KNDC1: variants seen among roughly 807,000 people sequenced by gnomAD.
KNDC1 encodes kinase non-catalytic C-lobe domain-containing protein 1.
KNDC1 carries 106 observed loss-of-function variants against 172.8 expected under a neutral mutation model. The ratio of observed to expected loss-of-function variants is 0.61; its 90% confidence interval spans 0.52 to 0.72. KNDC1 has a LOEUF of 0.72. KNDC1 is among the 30% of genes least tolerant of loss of function. The probability of loss-of-function intolerance (pLI) is 0.00; values close to 1 mark genes in which losing one functional copy is unlikely to be tolerated. For missense variants in KNDC1, 2,325 were observed against 2,394.5 expected (o/e 0.97, Z 0.61); for synonymous variants, 1,083 against 1,062.2 (o/e 1.02, Z -0.38).
rs1445540786 is a variant in KNDC1 at position 133,206,618 on chromosome 10, C to T, written c.3388-67C>T. The T allele has an allele frequency of 2.2e-6, 3 of 1,347,992 alleles. No homozygotes were observed. The African/African-American group carries it at 4.3e-5, about 19-fold the overall frequency. 83.5% of individuals were successfully genotyped at this position (1,347,992 alleles called of 1,614,324 possible). ...CAAGGAGGCCCCAGTGGGGTGGGGC[C>T]TGGCCCTGGATGTGGCTGACGTGTG... On this transcript the variant is annotated intron_variant, in intron 17 of 29. Transcript: ENST00000304613.
Position 133,198,389 on chromosome 10 carries a change from G to T in KNDC1, c.1959G>T (p.Val653=), listed in dbSNP as rs770042942. Residue 653 remains valine (V), a synonymous_variant, in exon 13 of 30, where the codon GTG becomes GTT. Coordinates refer to ENST00000304613, the MANE Select transcript of KNDC1 (RefSeq NM_152643.8). ...DTGLVAVPGP[V]PGQHPCGEEA... The stretch of plus-strand genomic sequence containing the variant: ...GGCTTGTGGCTGTGCCAGGGCCCGT[G>T]CCCGGCCAGCACCCCTGCGGTGAAG... 6.3e-7 allele frequency: 1 copy of T among 1,598,120 alleles called. No homozygotes were observed. Among genetic ancestry groups the T allele is most frequent in the East Asian group, 2.3e-5 (1 of 44,130 alleles).
intron 3 of KNDC1, among the ~76,000 whole-genome samples, chr10:133,177,923 TG>T (rs1564878791): frequency 7.0e-6 from 1 of 142,250 alleles, no homozygotes; most frequent in Non-Finnish European, 1.5e-5. Context: ...TGTGCAAGCA[TG>T]TAGTGTGTTA....
At chr10:133,164,624 G>A (rs1034478028) in intron 1 of KNDC1, among the ~76,000 whole-genome samples, 1 of 152,210 alleles carries the variant, frequency 6.6e-6, no homozygotes, top group African/African-American at 2.4e-5. Flanking sequence ...AGCCCGGCTG[G>A]GCGTATTTTA....
chr10:133,211,542 G>T lies in KNDC1; in HGVS notation c.4029G>T (p.Gly1343=). 1 of 1,613,958 alleles carries T rather than the reference G, an allele frequency of 6.2e-7. No individual in the cohort carries two copies. Among genetic ancestry groups the T allele is most frequent in the Non-Finnish European group, 8.5e-7 (1 of 1,179,886 alleles). ...TCCCTCGGAACAGCGGGCTGCTGGG[G>T]AAGCTAGAGGACTTCATCTCCTCCA... ...VDFPRNSGLL[G]KLEDFISSKI... The change falls in exon 22 of 30, where the codon GGG becomes GGT. Residue 1343 remains glycine (G), a synonymous_variant. Coordinates refer to ENST00000304613, the MANE Select transcript of KNDC1 (RefSeq NM_152643.8).
chr10:133,216,778 C>G (rs1845475385), intron 26 of KNDC1, among the ~76,000 whole-genome samples: 1 of 152,212 alleles, frequency 6.6e-6, no homozygotes, highest in South Asian at 2.1e-4. Flanking sequence ...GTGGAGGCAC[C>G]TAAATGTCCA....
rs990446725 is a variant in KNDC1, at chr10:133,186,435, C to G, written c.1087C>G (p.Leu363Val). ...CTTCCAGGCTCAGCCCAAATGCAGG[C>G]TGTGGCCGGAGCAGGAGCCGGAACA... ...SSFQAQPKCR[L>V]WPEQEPEHQL... The change falls in exon 6 of 30, where the codon CTG becomes GTG. Residue 363 changes from leucine (L) to valine (V), a missense_variant. Physicochemically the swap from Leu to Val is conservative, Grantham distance 32 (BLOSUM62 1). Coordinates refer to ENST00000304613, the MANE Select transcript of KNDC1 (RefSeq NM_152643.8). The G allele has an allele frequency of 1.2e-6, 2 of 1,612,600 alleles. No homozygotes were observed. Among genetic ancestry groups the G allele is most frequent in the African/African-American group, 1.3e-5 (1 of 75,034 alleles).
chr10:133,225,241 A>C lies in KNDC1; in HGVS notation c.*351A>C. On this transcript the variant is annotated 3_prime_UTR_variant, in exon 30 of 30. Transcript: ENST00000304613. ...AGTGGCTCTTACCCAGCTCTCAGTG[A>C]CTCCCCCACAAAACAGCAACAGCCT... 1 of 253,444 alleles carries C rather than the reference A, an allele frequency of 3.9e-6. No homozygotes were observed. The highest frequency in any genetic ancestry group is 7.7e-6 in the Non-Finnish European group (1 of 129,538). 15.7% of individuals were successfully genotyped at this position (253,444 alleles called of 1,614,324 possible). A position where few individuals can be genotyped will look rare whatever the true frequency, so the allele number is the denominator to read the frequency against.
rs1393805261 is a variant in KNDC1, at chr10:133,163,194, A to G, written c.102+2625A>G. ...ATGGATGGGCAATGCTGGCTGCCCC[A>G]TGGGAATTCAGATGAGACGAAGAGG... On this transcript the variant is annotated intron_variant, in intron 1 of 29. Coordinates refer to ENST00000304613, the MANE Select transcript of KNDC1 (RefSeq NM_152643.8). This position sits in a 1 kb window ranked among gnomAD's most constrained non-coding sequence, Gnocchi z 4.4. Among the ~76,000 whole-genome samples, 2 of 152,148 alleles carry G rather than the reference A, an allele frequency of 1.3e-5. No individual in the cohort carries two copies. Among genetic ancestry groups the G allele is most frequent in the Admixed American group, 6.5e-5 (1 of 15,276 alleles).
chr10:133,173,957 C>T (rs559158765), intron 3 of KNDC1: 17 of 152,414 alleles, frequency 1.1e-4, no homozygotes, highest in Admixed American at 4.6e-4. Flanking sequence ...CTCCCCTCTC[C>T]ACCCCGCTGC....
At chr10:133,214,264 C>T (rs72859892) in intron 26 of KNDC1, 142 bp downstream of exon 26, 50,768 of 907,698 alleles carry the variant, frequency 0.056, 1,758 homozygotes, top group Non-Finnish European at 0.062. Context: ...CCACACCCGA[C>T]CCAAGGCTGA....
chr10:133,200,377 C>G lies in KNDC1; in HGVS notation c.2906C>G (p.Thr969Arg). 3 of 1,587,698 alleles carry G rather than the reference C, an allele frequency of 1.9e-6. No homozygotes were observed. Among genetic ancestry groups the G allele is most frequent in the Non-Finnish European group, 2.6e-6 (3 of 1,168,280 alleles). ...CTGACCTGCATTCTCGTCGTCAGCACGGCCGAGGAGGCTGGGTCACAGCTC... is the reference window on the plus strand; with the variant it reads ...CTGACCTGCATTCTCGTCGTCAGCAGGGCCGAGGAGGCTGGGTCACAGCTC... ...VNGQASPSPS[T>R]AEEAGSQLEG... is the part of the protein sequence containing the mutation. The change falls in exon 16 of 30, where the codon ACG becomes AGG. Residue 969 changes from threonine (T) to arginine (R), a missense_variant and splice_region_variant. Transcript: ENST00000304613.
chr10:133,186,109 C>G lies in KNDC1; in HGVS notation c.761C>G (p.Pro254Arg). Residue 254 changes from proline (P) to arginine (R), a missense_variant, in exon 6 of 30, where the codon CCC (proline) becomes CGC (arginine). Transcript: ENST00000304613. ...EGPESETSRG[P>R]RASPTKALLS... ...CCGGAGTCTGAGACGAGCCGGGGCCCCAGAGCCTCCCCAACCAAGGCTCTG... is the reference window on the plus strand; with the variant it reads ...CCGGAGTCTGAGACGAGCCGGGGCCGCAGAGCCTCCCCAACCAAGGCTCTG... The G allele has an allele frequency of 6.3e-7, 1 of 1,597,732 alleles. No homozygotes were observed. The highest frequency in any genetic ancestry group is 1.3e-5 in the African/African-American group (1 of 74,748).
chr10:133,219,979 T>C lies in KNDC1; in HGVS notation c.4885T>C (p.Cys1629Arg), dbSNP rs1208622827. ...GGTCTTCCTGAAGAGCGACAGCCTG[T>C]GTCTGATGGAAGGGCGGCGCTTCCG... ...VEVFLKSDSL[C>R]LMEGRRFRAQ... Residue 1629 changes from cysteine to arginine, a missense_variant, in exon 29 of 30, where the codon TGT becomes CGT. Transcript: ENST00000304613. The C allele has an allele frequency of 5.8e-6, 9 of 1,552,674 alleles. No individual in the cohort carries two copies. Among genetic ancestry groups the C allele is most frequent in the Non-Finnish European group, 7.8e-6 (9 of 1,147,886 alleles).
rs368273039 is a variant in KNDC1, at chr10:133,167,495, G to A, written c.217G>A (p.Ala73Thr). Residue 73 changes from alanine (A) to threonine (T), a missense_variant, in exon 2 of 30, where the codon GCC (alanine) becomes ACC (threonine). Coordinates refer to ENST00000304613, the MANE Select transcript of KNDC1 (RefSeq NM_152643.8). ...GTCCATGCGGAGCGTGGCCCACGCCGCCATCTTCCAGAGCCTGTGCATCAC... is the reference window on the plus strand; with the variant it reads ...GTCCATGCGGAGCGTGGCCCACGCCACCATCTTCCAGAGCCTGTGCATCAC... ...SLSMRSVAHAAIFQSLCITPD... is the reference protein window; with the variant it reads ...SLSMRSVAHATIFQSLCITPD... The A allele has an allele frequency of 2.6e-5, 41 of 1,605,014 alleles. No individual in the cohort carries two copies. Among genetic ancestry groups the A allele is most frequent in the Middle Eastern group, 1.6e-4 (1 of 6,072 alleles).
chr10:133,211,977 C>G, intron 23 of KNDC1, 119 bp downstream of exon 23: 1 of 945,324 alleles, frequency 1.1e-6, no homozygotes, highest in Admixed American at 3.0e-5. Flanking sequence ...ATGGGCACAG[C>G]TGTATACATG....
intron 17 of KNDC1, among the ~76,000 whole-genome samples, chr10:133,206,399 C>T (rs1845194428): frequency 6.6e-6 from 1 of 152,132 alleles, no homozygotes; most frequent in Non-Finnish European, 1.5e-5. Flanking sequence ...CCTGGTTCCC[C>T]TGAGCATCCC....
At chr10:133,207,066 T>C (rs1408586557) in intron 19 of KNDC1, 71 bp from the exon 20 acceptor site, 13 of 1,532,120 alleles carry the variant, frequency 8.5e-6, no homozygotes, top group Non-Finnish European at 1.2e-5. Flanking sequence ...GGCCCTGATT[T>C]GAGGGTCCAA....
At chr10:133,184,105 C>A (rs945044907) in intron 5 of KNDC1, 116 bp downstream of exon 5, 19 of 558,192 alleles carry the variant, frequency 3.4e-5, no homozygotes, top group Non-Finnish European at 6.0e-5. Context: ...GCACACACAC[C>A]CATACTGCAC....
chr10:133,200,339 G>A (rs1177647477), intron 15 of KNDC1, 36 bp from the exon 16 acceptor site: 2 of 1,509,618 alleles, frequency 1.3e-6, no homozygotes, highest in Non-Finnish European at 1.8e-6. Flanking sequence ...CTCCCAGTGG[G>A]CGGAGGTGGG....
Sources: gnomAD v4.1 joint callset for allele counts (sites outside exome capture counted in the v4.1 genomes callset) on GRCh38, gnomAD v4.1.1 for gene constraint, Gnocchi (gnomAD v3.1) non-coding constraint, MANE v1.5 for transcripts, NCBI Gene and HGNC (gene_info 2026-07-23, HGNC 2026-07-21) for gene names.